Variants in EPS15 observed in about 807,000 individuals in gnomAD.
The protein encoded by EPS15 is epidermal growth factor receptor pathway substrate 15.
EPS15 carries 72 observed loss-of-function variants against 113.8 expected under a neutral mutation model. The ratio of observed to expected loss-of-function variants is 0.63; its 90% CI spans 0.52 to 0.77. The LOEUF (loss-of-function observed/expected upper bound fraction) is 0.77. Ranked by LOEUF, EPS15 falls within the 30% of genes least tolerant of loss-of-function variation. The pLI is 0.00. For synonymous variants in EPS15, 344 were observed against 363.4 expected (o/e 0.95, Z 0.61); for missense variants, 1,048 against 1,045.8 (o/e 1.00, Z -0.03).
chr1:51,384,054 A>T (rs1226989758), intron 21 of EPS15, among the ~76,000 whole-genome samples: 1 of 152,212 alleles, frequency 6.6e-6, no homozygotes, highest in African/African-American at 2.4e-5. Flanking sequence ...CTGACAATAC[A>T]ATACATTCTG....
intron 12 of EPS15, among the ~76,000 whole-genome samples, chr1:51,431,426 T>C (rs1651728216): frequency 6.6e-6 from 1 of 152,034 alleles, no homozygotes; most frequent in African/African-American, 2.4e-5. Flanking sequence ...ATGGTTCATT[T>C]TACAAAGGTG....
At chr1:51,498,254 T>C (rs1644359436) in intron 1 of EPS15, among the ~76,000 whole-genome samples, 1 of 152,230 alleles carries the variant, frequency 6.6e-6, no homozygotes, top group Admixed American at 6.5e-5. Flanking sequence ...AAATGGTTCA[T>C]AAATTTTCAT....
intron 21 of EPS15, among the ~76,000 whole-genome samples, chr1:51,374,519 G>T (rs567986814): frequency 6.6e-6 from 1 of 151,986 alleles, no homozygotes; most frequent in South Asian, 2.1e-4. Flanking sequence ...CAGGAGAATC[G>T]CTTGAACCTG....
At chr1:51,443,665 A>G (rs1035537920) in intron 11 of EPS15, among the ~76,000 whole-genome samples, 2 of 151,460 alleles carry the variant, frequency 1.3e-5, no homozygotes, top group African/African-American at 4.9e-5. Context: ...TTCTTTTTTT[A>G]AGAGACAGGG....
intron 21 of EPS15, among the ~76,000 whole-genome samples, chr1:51,390,238 G>A (rs1398553885): frequency 6.6e-6 from 1 of 152,072 alleles, no homozygotes; most frequent in African/African-American, 2.4e-5. Context: ...TTAATAAATG[G>A]TGCTGGGAAA....
Position 51,399,178 on chromosome 1 carries a change from G to A in EPS15, c.1919-13C>T, listed in dbSNP as rs773568155. The A allele has an allele frequency of 1.2e-6, 2 of 1,611,240 alleles. No homozygotes were observed. The highest frequency in any genetic ancestry group is 1.7e-6 in the Non-Finnish European group (2 of 1,178,894). ...CCACCAAATGGATCTAAAAAAATAAGGCACGAATATAAGAGACAAAAAAAA... is the reference window on the plus strand; with the variant it reads ...CCACCAAATGGATCTAAAAAAATAAAGCACGAATATAAGAGACAAAAAAAA... On this transcript the variant is annotated splice_polypyrimidine_tract_variant and intron_variant, in intron 19 of 24. Coordinates refer to ENST00000371733, the MANE Select transcript of EPS15 (RefSeq NM_001981.3).
At chr1:51,360,069 G>A (rs1048158660) in intron 24 of EPS15, among the ~76,000 whole-genome samples, 1 of 152,074 alleles carries the variant, frequency 6.6e-6, no homozygotes, top group African/African-American at 2.4e-5. Flanking sequence ...TTACAGGCGT[G>A]AGCCACCACG....
chr1:51,404,352 TG>T (rs1251359930), intron 16 of EPS15, among the ~76,000 whole-genome samples: 4 of 146,080 alleles, frequency 2.7e-5, no homozygotes, highest in African/African-American at 1.0e-4. Context: ...CACTCCAGCC[TG>T]GGCAACAGAG....
At chr1:51,414,676 A>T (rs1262975718) in intron 13 of EPS15, among the ~76,000 whole-genome samples, 3 of 152,182 alleles carry the variant, frequency 2.0e-5, no homozygotes, top group Non-Finnish European at 2.9e-5. Flanking sequence ...AATATTCTTT[A>T]TCTACTTCAT....
intron 13 of EPS15, among the ~76,000 whole-genome samples, chr1:51,411,134 A>G (rs1365393068): frequency 6.6e-6 from 1 of 152,216 alleles, no homozygotes; most frequent in East Asian, 1.9e-4. Context: ...ATATATGCAG[A>G]TGTTTCTGTG....
chr1:51,507,662 GAA>G (rs34305972), intron 1 of EPS15, among the ~76,000 whole-genome samples: 1 of 125,660 alleles, frequency 8.0e-6, no homozygotes. Flanking sequence ...CTCCATCTCA[GAA>G]AAAAAAAAAG....
At chr1:51,388,548 C>T (rs1333532351) in intron 21 of EPS15, among the ~76,000 whole-genome samples, 1 of 151,886 alleles carries the variant, frequency 6.6e-6, no homozygotes, top group African/African-American at 2.4e-5. Context: ...TTGAAAGGAT[C>T]AACGAAATTG....
chr1:51,414,285 C>G (rs895428601), intron 13 of EPS15, among the ~76,000 whole-genome samples: 2 of 151,772 alleles, frequency 1.3e-5, no homozygotes, highest in African/African-American at 2.4e-5. Flanking sequence ...TGGTAGTGGC[C>G]GCCTGTAATT....
intron 13 of EPS15, among the ~76,000 whole-genome samples, chr1:51,411,389 C>A (rs1000605495): frequency 2.0e-5 from 3 of 152,012 alleles, no homozygotes; most frequent in Non-Finnish European, 4.4e-5. Flanking sequence ...AAAAAGTGAC[C>A]CTTGTGCCAT....
chr1:51,428,734 G>C (rs181399107), intron 12 of EPS15, among the ~76,000 whole-genome samples: 2,919 of 150,834 alleles, frequency 0.019, 46 homozygotes, highest in Non-Finnish European at 0.031. Flanking sequence ...GGCTGAGGCA[G>C]GAGAATCACT....
At chr1:51,415,760 C>T (rs1650151160) in intron 13 of EPS15, among the ~76,000 whole-genome samples, 1 of 114,364 alleles carries the variant, frequency 8.7e-6, no homozygotes, top group East Asian at 3.1e-4. Flanking sequence ...CGTGCCATTG[C>T]ACTCCAGCCT....
At chr1:51,404,539 T>C (rs1056848225) in intron 16 of EPS15, among the ~76,000 whole-genome samples, 3 of 152,232 alleles carry the variant, frequency 2.0e-5, no homozygotes, top group African/African-American at 4.8e-5. Context: ...TTTTCACTTT[T>C]AATACCTCTC....
chr1:51,452,938 A>G (rs1032374816), intron 8 of EPS15, among the ~76,000 whole-genome samples: 1 of 152,220 alleles, frequency 6.6e-6, no homozygotes, highest in Non-Finnish European at 1.5e-5. Flanking sequence ...TGCATTTTTA[A>G]CAAGTTCCCG....
chr1:51,405,939 T>G lies in EPS15; in HGVS notation c.1643A>C (p.Asn548Thr). The change falls in exon 16 of 25, where the codon AAC becomes ACC. Residue 548 changes from asparagine (N) to threonine (T), a missense_variant. Transcript: ENST00000371733. ...CTGGTGTATGGGCTCAGACTCTAGG[T>G]TGCTCTGGCCTTCAACATGTTCATT... is the stretch of plus-strand genomic sequence containing the variant. The part of the protein sequence containing the change: ...NLNEHVEGQS[N>T]LESEPIHQES... 6.2e-7 allele frequency: 1 copy of G among 1,614,148 alleles called. No individual in the cohort carries two copies. The highest frequency in any genetic ancestry group is 1.6e-4 in the Middle Eastern group (1 of 6,062).
Sources: gnomAD v4.1 joint callset for allele counts (sites outside exome capture counted in the v4.1 genomes callset) on GRCh38, gnomAD v4.1.1 for gene constraint, MANE v1.5 for transcripts, NCBI Gene and HGNC (gene_info 2026-07-23, HGNC 2026-07-21) for gene names.